Variants in RPS29 observed in about 807,000 individuals in gnomAD.
The protein encoded by RPS29 is small ribosomal subunit protein uS14.
For synonymous variants in RPS29, 37 were observed against 26.9 expected, an observed-to-expected ratio of 1.37 and a Z score of -1.16; for missense variants, 60 against 75.7, an observed-to-expected ratio of 0.79 and a Z score of 0.77.
At chr14:49,597,073 C>CT (rs1395344896) in intron 1 of RPS29, among the ~76,000 whole-genome samples, 2 of 152,090 alleles carry the variant, frequency 1.3e-5, no homozygotes, top group African/African-American at 2.4e-5. Flanking sequence ...CGCCAACACT[C>CT]TGTCTAATTT....
chr14:49,583,677 T>TA lies in RPS29; in HGVS notation c.163-3_163-2insT, dbSNP rs1458794409. On this transcript the variant is annotated splice_region_variant and splice_polypyrimidine_tract_variant and intron_variant, in intron 2 of 2. Transcript: ENST00000245458. ...CTGAAGGAAGAGCATTTAGTCCAACTGAAAAAAAAAAAGCAGATGATTTAT... is the reference window on the plus strand; with the variant it reads ...CTGAAGGAAGAGCATTTAGTCCAACTAGAAAAAAAAAAAGCAGATGATTTAT... The TA allele has an allele frequency of 2.0e-6, 3 of 1,504,040 alleles. No homozygotes were observed. Among genetic ancestry groups the TA allele is most frequent in the Non-Finnish European group, 2.7e-6 (3 of 1,092,460 alleles). The allele number at this position is 1,504,040 out of a possible 1,614,324, so 93.2% of individuals were successfully genotyped here. A position where few individuals can be genotyped will look rare whatever the true frequency, so the allele number is the denominator to read the frequency against.
At chr14:49,591,287 C>CTGTTTGTTTGTT (rs61069057), upstream of RPS29, among the ~76,000 whole-genome samples, 329 of 150,632 alleles carry the variant, frequency 2.2e-3, 2 homozygotes, top group Admixed American at 5.1e-3. Context: ...TAGAGGTTTT[C>CTGTTTGTTTGTT]TGTTTGTTTG....
At chr14:49,583,102 G>A (rs1343325915), downstream of RPS29, among the ~76,000 whole-genome samples, 2 of 152,148 alleles carry the variant, frequency 1.3e-5, no homozygotes, top group Non-Finnish European at 2.9e-5. Flanking sequence ...ACCTCCCAAA[G>A]TGCTGGGATT....
chr14:49,579,872 GTT>G (rs1881287676), downstream of RPS29, among the ~76,000 whole-genome samples: 1 of 152,150 alleles, frequency 6.6e-6, no homozygotes, highest in Admixed American at 6.5e-5. Flanking sequence ...AGTTCCAGTC[GTT>G]TTGTCTCTTT....
At chr14:49,596,635 A>C (rs989020538) in intron 1 of RPS29, among the ~76,000 whole-genome samples, 4 of 152,212 alleles carry the variant, frequency 2.6e-5, no homozygotes, top group African/African-American at 7.2e-5. Flanking sequence ...TTAGGAAGAT[A>C]CATTTTTGGC....
rs1054573365 is a variant in RPS29 at position 49,583,754 on chromosome 14, T to G, written c.163-79A>C. On this transcript the variant is annotated intron_variant, in intron 2 of 2. Coordinates refer to ENST00000245458, the MANE Select transcript of RPS29 (RefSeq NM_001032.5). Reference sequence around the variant, plus strand: ...ATTCTCACAAAAAAAAGGCTCATTATAGAATGTTATAGAATTACAGAACTG... The same window carrying G: ...ATTCTCACAAAAAAAAGGCTCATTAGAGAATGTTATAGAATTACAGAACTG... 23 of 855,610 alleles carry G rather than the reference T, an allele frequency of 2.7e-5. 1 individual carries two copies. The African/African-American group carries it at 2.7e-4, about 10-fold the overall frequency. The allele number at this position is 855,610 out of a possible 1,614,324, so 53.0% of individuals were successfully genotyped here. A position where few individuals can be genotyped will look rare whatever the true frequency, so the allele number is the denominator to read the frequency against.
chr14:49,586,222 G>T (rs1034038855), intron 1 of RPS29, 63 bp downstream of exon 1: 1 of 1,556,260 alleles, frequency 6.4e-7, no homozygotes, highest in Admixed American at 1.7e-5. Context: ...TCCTCTACTT[G>T]AGATTTTAAG....
intron 1 of RPS29, chr14:49,598,093 CG>C: frequency 3.0e-6 from 1 of 337,698 alleles, no homozygotes; most frequent in Admixed American, 4.4e-5. Context: ...ATTGAAAAAT[CG>C]GTATTTCTGA....
exon 3 of RPS29, chr14:49,576,860 TG>T (rs1881195989): frequency 6.6e-6 from 1 of 152,298 alleles, no homozygotes; most frequent in Non-Finnish European, 1.5e-5. Context: ...AAGTGCCTTT[TG>T]CCTTCTACCA....
intron 1 of RPS29, among the ~76,000 whole-genome samples, chr14:49,595,022 C>T (rs1881789190): frequency 6.6e-6 from 1 of 152,198 alleles, no homozygotes; most frequent in African/African-American, 2.4e-5. Flanking sequence ...GTACTTTTGG[C>T]TTGCCATTTC....
downstream of RPS29, among the ~76,000 whole-genome samples, chr14:49,579,042 T>C (rs1034617915): frequency 6.6e-6 from 1 of 152,170 alleles, no homozygotes; most frequent in African/African-American, 2.4e-5. Flanking sequence ...TAAAGGAGAT[T>C]CTACAGCCAA....
chr14:49,594,236 G>A (rs1430848902), intron 1 of RPS29, among the ~76,000 whole-genome samples: 1 of 151,788 alleles, frequency 6.6e-6, no homozygotes, highest in African/African-American at 2.4e-5. Flanking sequence ...TCTTTTTACT[G>A]ACCACAAGAA....
At chr14:49,580,730 AG>A (rs2139506224), downstream of RPS29, among the ~76,000 whole-genome samples, 1 of 152,168 alleles carries the variant, frequency 6.6e-6, no homozygotes, top group African/African-American at 2.4e-5. Flanking sequence ...AAAATCAGCC[AG>A]GCGTGGTGGC....
At chr14:49,577,832 A>C (rs1013938030) in exon 3 of RPS29, 5 of 1,600,680 alleles carry the variant, frequency 3.1e-6, no homozygotes, top group Non-Finnish European at 4.3e-6. Context: ...AGGCAGTGCC[A>C]AGGAAGACAG....
chr14:49,595,649 T>C (rs1041172674), intron 1 of RPS29, among the ~76,000 whole-genome samples: 1 of 151,942 alleles, frequency 6.6e-6, no homozygotes, highest in African/African-American at 2.4e-5. Flanking sequence ...GACTGTGATT[T>C]TACTAGCTCA....
intron 2 of RPS29, chr14:49,577,993 G>A: frequency 1.6e-6 from 1 of 627,094 alleles, no homozygotes; most frequent in Non-Finnish European, 2.9e-6. Flanking sequence ...TTAATTCAGA[G>A]AACACCAAAG....
chr14:49,584,778 T>A (rs10139832), intron 2 of RPS29, among the ~76,000 whole-genome samples: 72,249 of 125,562 alleles, frequency 0.58, 18,092 homozygotes, highest in Middle Eastern at 0.65. Flanking sequence ...AAAAAAAAAA[T>A]TTACATCATT....
chr14:49,579,991 A>G (rs746958605), downstream of RPS29, among the ~76,000 whole-genome samples: 1 of 152,220 alleles, frequency 6.6e-6, no homozygotes, highest in Non-Finnish European at 1.5e-5. Flanking sequence ...GAAAAAGGCA[A>G]TGTGCATAAA....
chr14:49,582,012 C>CCCAAAAAAAAAAAAAA (rs71115379), downstream of RPS29, among the ~76,000 whole-genome samples: 1 of 106,534 alleles, frequency 9.4e-6, no homozygotes, highest in African/African-American at 4.5e-5. Context: ...CCCTGCCCCC[C>CCCAAAAAAAAAAAAAA]AAAAAAAAAA....
Sources: allele counts gnomAD v4.1 joint callset (sites outside exome capture counted in the v4.1 genomes callset), GRCh38; gene constraint gnomAD v4.1.1; transcripts MANE v1.5; gene names NCBI Gene and HGNC (gene_info 2026-07-23, HGNC 2026-07-21).